The following RNH1 variants were observed in gnomAD, a reference collection of about 807,000 sequenced individuals.
RNH1 encodes ribonuclease/angiogenin inhibitor 1.
In RNH1, 38 loss-of-function variants were observed where a neutral mutation model predicts 46.1. That is an observed-to-expected ratio of 0.82 (90% CI 0.64 to 1.08). RNH1 has a LOEUF of 1.08. RNH1 is among the 50% of genes least tolerant of loss of function. RNH1 has a pLI of 0.00. For missense variants in RNH1, 577 were observed against 590.7 expected, an observed-to-expected ratio of 0.98 and a Z score of 0.24; for synonymous variants, 319 against 279.1, an observed-to-expected ratio of 1.14 and a Z score of -1.43.
Position 500,665 on chromosome 11 carries a change from AC to A in RNH1, c.102-12del. 1.2e-6 allele frequency: 2 copies of A among 1,602,480 alleles called. No individual in the cohort carries two copies. On this transcript the variant is annotated splice_polypyrimidine_tract_variant and intron_variant, in intron 3 of 10. Coordinates refer to ENST00000354420, the MANE Select transcript of RNH1 (RefSeq NM_203387.3). ...CCACAGTCGTCCAGCCTGTGAGCAG[AC>A]CCCAGGGTCATGTGGACCACGCAGA... is the stretch of plus-strand genomic sequence containing the variant.
At chr11:496,354 T>G (rs1200945850) in intron 9 of RNH1, among the ~76,000 whole-genome samples, 1 of 151,906 alleles carries the variant, frequency 6.6e-6, no homozygotes, top group Non-Finnish European at 1.5e-5. Context: ...CCCAACATGG[T>G]GAAACCCCAT....
rs1349536337 is a variant in RNH1, at chr11:494,720, C to T, written c.1357G>A (p.Asp453Asn). The change falls in exon 11 of 11, where the codon GAC (aspartate) becomes AAC (asparagine). Residue 453 changes from aspartate (D) to asparagine (N), a missense_variant. Transcript: ENST00000354420. ...MEDRLQALEK[D>N]KPSLRVIS ...GAGATGACCCTCAGGGATGGCTTGT[C>T]CTTCTCCAGGGCCTGCAGCCGGTCC... 4 of 1,613,798 alleles carry T rather than the reference C, an allele frequency of 2.5e-6. No individual in the cohort carries two copies. The highest frequency in any genetic ancestry group is 3.4e-6 in the Non-Finnish European group (4 of 1,179,988).
intron 5 of RNH1, chr11:499,604 G>C: frequency 1.4e-6 from 1 of 720,820 alleles, no homozygotes; most frequent in East Asian, 2.7e-5. Flanking sequence ...AGGACAACTG[G>C]ATGGGGAGGG....
At chr11:507,085 A>C (rs948937761) in intron 1 of RNH1, 28 bp downstream of exon 1, 6 of 152,206 alleles carry the variant, frequency 3.9e-5, no homozygotes, top group African/African-American at 1.2e-4. Context: ...GCCTGGCTAG[A>C]CGCTGACGCA....
intron 9 of RNH1, 51 bp from the exon 10 acceptor site, chr11:495,104 C>A: frequency 1.3e-6 from 2 of 1,553,240 alleles, no homozygotes; most frequent in Non-Finnish European, 1.7e-6. Flanking sequence ...TGGCACCGCA[C>A]TGACCGGCAG....
chr11:499,830 GC>G lies in RNH1; in HGVS notation c.441del (p.Gln148SerfsTer47), dbSNP rs1565029950. The G allele has an allele frequency of 1.9e-6, 3 of 1,606,084 alleles. No individual in the cohort carries two copies. Among genetic ancestry groups the G allele is most frequent in the Non-Finnish European group, 2.6e-6 (3 of 1,175,856 alleles). ...CCCTGGGGCAGGACACAAACTCACT[GC>G]AGCTTTTCCAGGCGGCACTGGGGGT... ...LLDPQCRLEK[L>X]QLEYCSLSAA... is the part of the protein sequence containing the mutation. On this transcript the variant is annotated frameshift_variant and splice_region_variant, in exon 5 of 11. Coordinates refer to ENST00000354420, the MANE Select transcript of RNH1 (RefSeq NM_203387.3). LOFTEE classifies it high-confidence loss of function.
Position 502,426 on chromosome 11 carries a change from G to T in RNH1, c.-87-177C>A. The stretch of plus-strand genomic sequence containing the variant: ...AGGCCACCATGGGCAGCAGAGCTTG[G>T]GTAATGCAGATGCCAGCCCATCTCC... On this transcript the variant is annotated intron_variant, in intron 2 of 10. Coordinates refer to ENST00000354420, the MANE Select transcript of RNH1 (RefSeq NM_203387.3). This position sits in a 1 kb window ranked among gnomAD's most constrained non-coding sequence, Gnocchi z 5.8. 1.8e-6 allele frequency: 1 copy of T among 547,462 alleles called. No homozygotes were observed. Among genetic ancestry groups the T allele is most frequent in the Non-Finnish European group, 3.3e-6 (1 of 303,422 alleles). The allele number at this position is 547,462 out of a possible 1,614,324, so 33.9% of individuals were successfully genotyped here.
chr11:505,351 T>C (rs1850173317), intron 1 of RNH1: 1 of 152,150 alleles, frequency 6.6e-6, no homozygotes, highest in African/African-American at 2.4e-5. Flanking sequence ...TTTGCAAATA[T>C]TAAGAATATT....
In RNH1 at chr11:502,230, A is replaced by G. The variant is rs1482405832; in HGVS notation, c.-68T>C. On this transcript the variant is annotated 5_prime_UTR_variant, in exon 3 of 11. Coordinates refer to ENST00000354420, the MANE Select transcript of RNH1 (RefSeq NM_203387.3). This position sits in a 1 kb window ranked among gnomAD's most constrained non-coding sequence, Gnocchi z 5.8. ...GGACGTCTTGGCCGAATCCCCTCAC[A>G]GTTTCACAGGCCGGAGATTCTGCAA... is the stretch of plus-strand genomic sequence containing the variant. 5.6e-6 allele frequency: 7 copies of G among 1,252,026 alleles called. No homozygotes were observed. The highest frequency in any genetic ancestry group is 1.8e-4 in the Middle Eastern group (1 of 5,452). The allele number at this position is 1,252,026 out of a possible 1,614,324, so 77.6% of individuals were successfully genotyped here. A position where few individuals can be genotyped will look rare whatever the true frequency, so the allele number is the denominator to read the frequency against.
Position 498,103 on chromosome 11 carries a change from T to C in RNH1, c.995A>G (p.His332Arg). The change falls in exon 9 of 11, where the codon CAC becomes CGC. Residue 332 changes from histidine (H) to arginine (R), a missense_variant. Coordinates refer to ENST00000354420, the MANE Select transcript of RNH1 (RefSeq NM_203387.3). ...GTTCTGGGCCAGCACTGAGCTGAAG[T>C]GGGAGCAGCAGGCGGCTGTGAAGCT... Reference protein sequence around the residue: ...SCSFTAACCSHFSSVLAQNRF... With the variant: ...SCSFTAACCSRFSSVLAQNRF... 5.6e-6 allele frequency: 9 copies of C among 1,614,030 alleles called. No homozygotes were observed. The highest frequency in any genetic ancestry group is 7.6e-6 in the Non-Finnish European group (9 of 1,180,018).
At chr11:497,255 ACT>A (rs1445753028) in intron 9 of RNH1, among the ~76,000 whole-genome samples, 1,559 of 124,048 alleles carry the variant, frequency 0.013, 46 homozygotes, top group African/African-American at 0.05. Context: ...ACTCATGCTC[ACT>A]CTCGCCCATG....
chr11:495,393 G>C (rs1381867423), intron 9 of RNH1, among the ~76,000 whole-genome samples: 1 of 152,226 alleles, frequency 6.6e-6, no homozygotes. Flanking sequence ...CAAAGGAGAA[G>C]CCAGCCAGAG....
At chr11:498,968 A>AC (rs760151064) in intron 6 of RNH1, 35 bp from the exon 7 acceptor site, 87 of 1,608,654 alleles carry the variant, frequency 5.4e-5, no homozygotes, top group South Asian at 9.9e-5. Flanking sequence ...GCAGCACGGG[A>AC]CCCCCCCTAG....
At position 494,671 on chromosome 11, in the gene RNH1, G is replaced by A; in HGVS notation, c.*20C>T. Reference sequence around the variant, plus strand: ...TGCCTCGAGGCCGGTCGTCCAGGGAGAGCAGCAGCAGGAAGAGCCTCAGGA... The same window carrying A: ...TGCCTCGAGGCCGGTCGTCCAGGGAAAGCAGCAGCAGGAAGAGCCTCAGGA... On this transcript the variant is annotated 3_prime_UTR_variant, in exon 11 of 11. Coordinates refer to ENST00000354420, the MANE Select transcript of RNH1 (RefSeq NM_203387.3). 1.2e-5 allele frequency: 19 copies of A among 1,611,804 alleles called. No homozygotes were observed. The highest frequency in any genetic ancestry group is 1.6e-5 in the Non-Finnish European group (19 of 1,178,484).
intron 8 of RNH1, 37 bp downstream of exon 8, chr11:498,420 T>C (rs571263026): frequency 1.2e-6 from 2 of 1,605,572 alleles, no homozygotes; most frequent in Non-Finnish European, 8.5e-7. Context: ...TGGCCCTCTC[T>C]TGGGCGACAG....
At chr11:495,219 G>C (rs796235972) in intron 9 of RNH1, among the ~76,000 whole-genome samples, 166 bp from the exon 10 acceptor site, 1 of 152,232 alleles carries the variant, frequency 6.6e-6, no homozygotes, top group Non-Finnish European at 1.5e-5. Context: ...CCCTGGGCAG[G>C]TTCCCCACCA....
chr11:494,524 A>C lies in RNH1; in HGVS notation c.*167T>G. On this transcript the variant is annotated 3_prime_UTR_variant, in exon 11 of 11. Coordinates refer to ENST00000354420, the MANE Select transcript of RNH1 (RefSeq NM_203387.3). ...GGACAAGAGCCTCTCCTGCCAAGAA[A>C]GTGCTTTAATGATTATAAAGTGTCC... 1 of 667,934 alleles carries C rather than the reference A, an allele frequency of 1.5e-6. No individual in the cohort carries two copies. The highest frequency in any genetic ancestry group is 2.6e-6 in the Non-Finnish European group (1 of 384,060). The allele number at this position is 667,934 out of a possible 1,614,324, so 41.4% of individuals were successfully genotyped here.
At chr11:499,612 G>C (rs1849543977) in intron 5 of RNH1, 1 of 725,614 alleles carries the variant, frequency 1.4e-6, no homozygotes, top group African/African-American at 1.7e-5. Flanking sequence ...TGGATGGGGA[G>C]GGAGGGTGAT....
chr11:499,567 G>A lies in RNH1; in HGVS notation c.443+262C>T, dbSNP rs147886445. ...CGGCCAGGCATCTGTTCCCACCGTCGGGTCCTGGGGCAGCTGTGCCTTGCA... is the reference window on the plus strand; with the variant it reads ...CGGCCAGGCATCTGTTCCCACCGTCAGGTCCTGGGGCAGCTGTGCCTTGCA... On this transcript the variant is annotated intron_variant, in intron 5 of 10. Transcript: ENST00000354420. 2.5e-4 allele frequency: 174 copies of A among 704,408 alleles called. No individual in the cohort carries two copies. The African/African-American group carries it at 2.5e-3, about 10-fold the overall frequency. The allele number at this position is 704,408 out of a possible 1,614,324, so 43.6% of individuals were successfully genotyped here. A position where few individuals can be genotyped will look rare whatever the true frequency, so the allele number is the denominator to read the frequency against.
Sources: gnomAD v4.1 joint callset for allele counts (sites outside exome capture counted in the v4.1 genomes callset) on GRCh38, gnomAD v4.1.1 for gene constraint, Gnocchi (gnomAD v3.1) non-coding constraint, MANE v1.5 for transcripts, NCBI Gene and HGNC (gene_info 2026-07-23, HGNC 2026-07-21) for gene names.